PHF21A: variants seen among roughly 807,000 people sequenced by gnomAD.
The protein encoded by PHF21A is BHC80a.
PHF21A carries 11 observed loss-of-function variants against 82.5 expected under a neutral mutation model. The ratio of observed to expected loss-of-function variants is 0.13; its 90% CI spans 0.08 to 0.22. PHF21A has a LOEUF of 0.22. Among genes scored for constraint, PHF21A ranks in the 10% least tolerant of loss-of-function variants. The pLI is 1.00. For missense variants in PHF21A, 579 were observed against 837.8 expected, an observed-to-expected ratio of 0.69 and a Z score of 3.81; for synonymous variants, 297 against 302.8, an observed-to-expected ratio of 0.98 and a Z score of 0.20.
chr11:46,074,215 T>C (rs2096694026), intron 6 of PHF21A, among the ~76,000 whole-genome samples: 1 of 151,518 alleles, frequency 6.6e-6, no homozygotes, highest in Non-Finnish European at 1.5e-5. Context: ...AGTTTTCTAA[T>C]AAATATTGAA....
At chr11:45,939,138 A>G (rs1350721296) in intron 15 of PHF21A, among the ~76,000 whole-genome samples, 1 of 152,184 alleles carries the variant, frequency 6.6e-6, no homozygotes, top group South Asian at 2.1e-4. Flanking sequence ...GGCCGGGACT[A>G]CTGTATTCTT....
chr11:46,024,789 G>C (rs1235543481), intron 6 of PHF21A, among the ~76,000 whole-genome samples: 1 of 152,004 alleles, frequency 6.6e-6, no homozygotes, highest in African/African-American at 2.4e-5. Context: ...GACCAAGTGA[G>C]ACTCCATCTC....
At chr11:46,000,887 T>C (rs948352427) in intron 6 of PHF21A, among the ~76,000 whole-genome samples, 4 of 151,830 alleles carry the variant, frequency 2.6e-5, no homozygotes, top group African/African-American at 9.7e-5. Context: ...ACCATTGCAC[T>C]CCAGCCTGGG....
chr11:45,976,431 C>G (rs371372891), intron 7 of PHF21A, among the ~76,000 whole-genome samples: 1 of 152,264 alleles, frequency 6.6e-6, no homozygotes, highest in East Asian at 1.9e-4. Flanking sequence ...ACAGTAGGAA[C>G]TCCACAAATA....
At chr11:46,087,747 T>G (rs941460809) in intron 3 of PHF21A, among the ~76,000 whole-genome samples, 5 of 152,168 alleles carry the variant, frequency 3.3e-5, no homozygotes, top group African/African-American at 1.2e-4. Flanking sequence ...GAATACATGC[T>G]GAATATTTTG....
chr11:45,950,439 C>CT (rs2091947119), intron 11 of PHF21A, among the ~76,000 whole-genome samples, 182 bp from the exon 12 acceptor site: 1 of 152,022 alleles, frequency 6.6e-6, no homozygotes, highest in Admixed American at 6.6e-5. Flanking sequence ...AAGCTCTTGG[C>CT]TTCCTTCAAT....
intron 3 of PHF21A, among the ~76,000 whole-genome samples, chr11:46,086,079 G>A (rs1024200633): frequency 2.2e-4 from 33 of 151,768 alleles, no homozygotes; most frequent in African/African-American, 7.7e-4. Context: ...TTTAGAAAGG[G>A]AGACATACTA....
chr11:46,099,521 T>G (rs950240119), intron 1 of PHF21A, among the ~76,000 whole-genome samples: 1 of 46,546 alleles, frequency 2.1e-5, no homozygotes, highest in African/African-American at 6.2e-5. Context: ...ATAGAAAAAT[T>G]AGACACACAC....
At chr11:46,037,843 G>A (rs2096047229) in intron 6 of PHF21A, among the ~76,000 whole-genome samples, 1 of 151,788 alleles carries the variant, frequency 6.6e-6, no homozygotes, top group African/African-American at 2.4e-5. Context: ...CTTAGTAAGA[G>A]CTTTATCTCA....
At chr11:45,996,388 A>G (rs1166969992) in intron 6 of PHF21A, among the ~76,000 whole-genome samples, 1 of 152,216 alleles carries the variant, frequency 6.6e-6, no homozygotes, top group African/African-American at 2.4e-5. Context: ...TACTTGCTAA[A>G]GCATTTCTCT....
intron 15 of PHF21A, among the ~76,000 whole-genome samples, chr11:45,944,539 G>A (rs574004761): frequency 6.6e-6 from 1 of 152,256 alleles, no homozygotes; most frequent in East Asian, 1.9e-4. Context: ...AACTGGCCCA[G>A]CCACTTCTGA....
chr11:46,022,535 A>G lies in PHF21A; in HGVS notation c.154-42569T>C, dbSNP rs560789241. On this transcript the variant is annotated intron_variant, in intron 6 of 18. Coordinates refer to ENST00000676320, the MANE Select transcript of PHF21A (RefSeq NM_001352027.3). ...AGGTTGCAGTGGCATGATCATGGCT[A>G]ACTGCAGCCTCAAACTCCTGGGCTC... Among the ~76,000 whole-genome samples the G allele has an allele frequency of 2.0e-5, 3 of 152,268 alleles. No homozygotes were observed. The South Asian group carries it at 6.2e-4, about 32-fold the overall frequency.
chr11:46,043,644 C>G (rs75294714), intron 6 of PHF21A, among the ~76,000 whole-genome samples: 1 of 150,372 alleles, frequency 6.7e-6, no homozygotes, highest in African/African-American at 2.4e-5. Flanking sequence ...AAAAAAAAAA[C>G]TGACCCACTT....
chr11:45,986,667 A>G (rs528494951), intron 6 of PHF21A, among the ~76,000 whole-genome samples: 24 of 152,298 alleles, frequency 1.6e-4, no homozygotes, highest in African/African-American at 5.5e-4. Context: ...TCAGAAAAAT[A>G]TTGGGAATCA....
chr11:46,012,996 C>A (rs1264232111), intron 6 of PHF21A, among the ~76,000 whole-genome samples: 2 of 152,100 alleles, frequency 1.3e-5, no homozygotes, highest in African/African-American at 2.4e-5. Flanking sequence ...TGTTCCAAGT[C>A]CCCCAGTGGA....
chr11:46,101,292 G>C (rs1187787565), intron 1 of PHF21A, among the ~76,000 whole-genome samples: 1 of 152,150 alleles, frequency 6.6e-6, no homozygotes, highest in Non-Finnish European at 1.5e-5. Context: ...TCCTAAAAGG[G>C]ATTACCAGTA....
intron 15 of PHF21A, among the ~76,000 whole-genome samples, chr11:45,944,157 T>G (rs1162652194): frequency 6.6e-6 from 1 of 152,262 alleles, no homozygotes; most frequent in Non-Finnish European, 1.5e-5. Context: ...CTGTATATTT[T>G]ATATAGTAAT....
chr11:46,029,967 A>G (rs952401329), intron 6 of PHF21A, among the ~76,000 whole-genome samples: 1 of 152,240 alleles, frequency 6.6e-6, no homozygotes, highest in Non-Finnish European at 1.5e-5. Flanking sequence ...GATAGTCTTT[A>G]TAACTTGATT....
At chr11:46,095,438 T>A (rs2096982645) in intron 1 of PHF21A, among the ~76,000 whole-genome samples, 3 of 152,306 alleles carry the variant, frequency 2.0e-5, no homozygotes, top group South Asian at 4.1e-4. Context: ...AAAGATAGAT[T>A]TGTTCTTGAA....
Sources: allele counts gnomAD v4.1 joint callset (sites outside exome capture counted in the v4.1 genomes callset), GRCh38; gene constraint gnomAD v4.1.1; transcripts MANE v1.5; gene names NCBI Gene and HGNC (gene_info 2026-07-23, HGNC 2026-07-21).